The following DIS3L2 variants were observed in gnomAD, a reference collection of about 807,000 sequenced individuals.
The protein encoded by DIS3L2 is DIS3-like exonuclease 2.
DIS3L2 carries 34 observed loss-of-function variants against 97.5 expected under a neutral mutation model. The ratio of observed to expected loss-of-function variants is 0.35; its 90% CI spans 0.27 to 0.46. DIS3L2 has a LOEUF of 0.46. DIS3L2 is among the 20% of genes least tolerant of loss of function. The pLI, the probability that DIS3L2 is intolerant of heterozygous loss-of-function variation, is 1.00. For synonymous variants in DIS3L2, 435 were observed against 445.2 expected, an observed-to-expected ratio of 0.98 and a Z score of 0.29; for missense variants, 1,038 against 1,146.0, an observed-to-expected ratio of 0.91 and a Z score of 1.36.
At chr2:232,302,323 A>G (rs1319195737) in intron 14 of DIS3L2, among the ~76,000 whole-genome samples, 1 of 151,998 alleles carries the variant, frequency 6.6e-6, no homozygotes, top group Non-Finnish European at 1.5e-5. Context: ...TCAACATGGC[A>G]CATGTATACA....
At chr2:232,202,980 A>G (rs1008269363) in intron 9 of DIS3L2, among the ~76,000 whole-genome samples, 8 of 152,232 alleles carry the variant, frequency 5.3e-5, no homozygotes, top group African/African-American at 1.9e-4. Context: ...TGAATTCAGC[A>G]TCTGATTGTA....
At chr2:232,118,476 G>A (rs1426685617) in intron 6 of DIS3L2, among the ~76,000 whole-genome samples, 3 of 152,140 alleles carry the variant, frequency 2.0e-5, no homozygotes, top group African/African-American at 7.2e-5. Flanking sequence ...CATGGCTGGT[G>A]TTTTTACAAT....
At chr2:232,306,098 A>G (rs1181019595) in intron 14 of DIS3L2, among the ~76,000 whole-genome samples, 1 of 152,128 alleles carries the variant, frequency 6.6e-6, no homozygotes, top group African/African-American at 2.4e-5. Context: ...GCTAGTTTGG[A>G]TGTTAACTCC....
intron 1 of DIS3L2, among the ~76,000 whole-genome samples, chr2:231,962,208 T>C (rs1298620552): frequency 1.3e-5 from 2 of 152,104 alleles, no homozygotes; most frequent in African/African-American, 4.8e-5. Context: ...CGCTTAATTA[T>C]AACATGTCCT....
intron 5 of DIS3L2, among the ~76,000 whole-genome samples, chr2:232,063,744 T>C (rs1255529151): frequency 6.6e-6 from 1 of 152,090 alleles, no homozygotes; most frequent in Non-Finnish European, 1.5e-5. Context: ...GTTAGGGATG[T>C]GCTTTGTGGG....
At chr2:232,133,987 C>CAAAAA (rs60195881) in intron 7 of DIS3L2, among the ~76,000 whole-genome samples, 1 of 76,322 alleles carries the variant, frequency 1.3e-5, no homozygotes. Flanking sequence ...GACTCTGTCT[C>CAAAAA]AAAAAAAAAA....
At chr2:232,059,834 A>T (rs916776741) in intron 5 of DIS3L2, among the ~76,000 whole-genome samples, 5 of 152,152 alleles carry the variant, frequency 3.3e-5, no homozygotes, top group Admixed American at 1.3e-4. Context: ...TAATGGCTGC[A>T]TGGTATTCCA....
intron 5 of DIS3L2, among the ~76,000 whole-genome samples, chr2:232,030,332 G>T (rs542796126): frequency 6.6e-6 from 1 of 152,146 alleles, no homozygotes; most frequent in Admixed American, 6.5e-5. Context: ...CCTTGCACTG[G>T]TTTTTGGTAT....
In DIS3L2 at chr2:232,222,321, C is replaced by T. The variant is rs373480868; in HGVS notation, c.1204+11916C>T. Among the ~76,000 whole-genome samples, 10 of 131,670 alleles carry T rather than the reference C, an allele frequency of 7.6e-5. No homozygotes were observed. The East Asian group carries it at 3.5e-3, about 47-fold the overall frequency. 86.4% of individuals were successfully genotyped at this position (131,670 alleles called of 152,430 possible). A position where few individuals can be genotyped will look rare whatever the true frequency, so the allele number is the denominator to read the frequency against. ...AGTATTTTATGTCTCAGGCAGATCC[C>T]AGGCAACTCAAGTACTTGATCTCAG... On this transcript the variant is annotated intron_variant, in intron 10 of 20. Coordinates refer to ENST00000325385, the MANE Select transcript of DIS3L2 (RefSeq NM_152383.5).
At chr2:232,189,717 A>G (rs766990915) in intron 9 of DIS3L2, among the ~76,000 whole-genome samples, 2 of 152,186 alleles carry the variant, frequency 1.3e-5, no homozygotes, top group African/African-American at 2.4e-5. Flanking sequence ...CCAAATGAGT[A>G]TGAGTAAGTG....
rs555061413 is a variant in DIS3L2 at position 232,024,352 on chromosome 2, T to G, written c.264+22T>G. ...CCCGGTAAGTTCAATAAATTTATAATAAACTTTATGTCACATTTAATTTTT... is the reference window on the plus strand; with the variant it reads ...CCCGGTAAGTTCAATAAATTTATAAGAAACTTTATGTCACATTTAATTTTT... On this transcript the variant is annotated intron_variant, in intron 4 of 20. Transcript: ENST00000325385. The G allele has an allele frequency of 3.9e-6, 6 of 1,556,566 alleles. No homozygotes were observed. In the South Asian group the frequency reaches 5.9e-5, roughly 15 times the overall value.
At chr2:232,010,037 G>A (rs1694152096) in intron 1 of DIS3L2, among the ~76,000 whole-genome samples, 1 of 152,160 alleles carries the variant, frequency 6.6e-6, no homozygotes, top group African/African-American at 2.4e-5. Flanking sequence ...CCAAGGAATT[G>A]GGAGCGAGTG....
chr2:232,086,269 G>GTATATACATATACGTATATATGTATACA lies in DIS3L2; in HGVS notation c.367-1206_367-1179dup, dbSNP rs1559612260. Among the ~76,000 whole-genome samples the GTATATACATATACGTATATATGTATACA allele has an allele frequency of 6.3e-4, 91 of 144,564 alleles. 1 individual carries two copies. Among genetic ancestry groups the GTATATACATATACGTATATATGTATACA allele is most frequent in the Middle Eastern group, 3.5e-3 (1 of 286 alleles). 94.8% of individuals were successfully genotyped at this position (144,564 alleles called of 152,430 possible). A position where few individuals can be genotyped will look rare whatever the true frequency, so the allele number is the denominator to read the frequency against. On this transcript the variant is annotated intron_variant, in intron 5 of 20. Coordinates refer to ENST00000325385, the MANE Select transcript of DIS3L2 (RefSeq NM_152383.5). ...TACACACGTATAGACGTGTATACGT[G>GTATATACATATACGTATATATGTATACA]TATATACATATACGTATATATGTAT...
At chr2:232,062,796 C>T (rs945052021) in intron 5 of DIS3L2, among the ~76,000 whole-genome samples, 1 of 152,032 alleles carries the variant, frequency 6.6e-6, no homozygotes, top group African/African-American at 2.4e-5. Context: ...ATCAGCCTGC[C>T]TGCGTGCCTG....
intron 3 of DIS3L2, among the ~76,000 whole-genome samples, chr2:232,023,882 G>A (rs1485640742): frequency 7.0e-6 from 1 of 143,148 alleles, no homozygotes; most frequent in African/African-American, 3.0e-5. Context: ...GAAAGGTCTT[G>A]GAACTGGGAG....
At chr2:232,343,830 C>T in exon 14 of DIS3L2, 1 of 414,046 alleles carries the variant, frequency 2.4e-6, no homozygotes, top group South Asian at 3.9e-5. Context: ...TCTTTTCCCT[C>T]AGATTTTCCA....
At chr2:232,000,613 T>TTTCC in intron 1 of DIS3L2, among the ~76,000 whole-genome samples, 1 of 107,348 alleles carries the variant, frequency 9.3e-6, no homozygotes, top group East Asian at 2.7e-4. Context: ...CTTTCCTTTC[T>TTTCC]TTTCCTTTCC....
At chr2:232,192,323 A>G (rs1691637048) in intron 9 of DIS3L2, among the ~76,000 whole-genome samples, 1 of 152,198 alleles carries the variant, frequency 6.6e-6, no homozygotes, top group South Asian at 2.1e-4. Flanking sequence ...AGGTCACATG[A>G]CTGAGGGGGA....
chr2:232,200,727 A>T (rs1232745856), intron 9 of DIS3L2, among the ~76,000 whole-genome samples: 1 of 151,484 alleles, frequency 6.6e-6, no homozygotes, highest in Non-Finnish European at 1.5e-5. Flanking sequence ...CAAGGCTATG[A>T]TTCATTCAGG....
Sources: gnomAD v4.1 joint callset for allele counts (sites outside exome capture counted in the v4.1 genomes callset) on GRCh38, gnomAD v4.1.1 for gene constraint, MANE v1.5 for transcripts, NCBI Gene and HGNC (gene_info 2026-07-23, HGNC 2026-07-21) for gene names.